Variants in NCAPD3 observed in about 807,000 individuals in gnomAD.
NCAPD3 encodes the protein non-SMC condensin II complex subunit D3, also known as condensin-2 complex subunit D3.
In NCAPD3, 105 loss-of-function variants were observed where a neutral mutation model predicts 182.9. That is an observed-to-expected ratio of 0.57 (90% CI 0.49 to 0.68). The LOEUF is 0.68. Among genes scored for constraint, NCAPD3 ranks in the 30% least tolerant of loss-of-function variants. The pLI, the probability that NCAPD3 is intolerant of heterozygous loss-of-function variation, is 0.00. For synonymous variants in NCAPD3, 815 were observed against 679.9 expected (o/e 1.20, Z -3.09); for missense variants, 1,944 against 1,837.0 (o/e 1.06, Z -1.07).
intron 15 of NCAPD3, among the ~76,000 whole-genome samples, chr11:134,193,704 G>A: frequency 6.6e-6 from 1 of 152,230 alleles, no homozygotes. Flanking sequence ...AGTGAGCTGA[G>A]ATTGTGCCAC....
chr11:134,169,445 G>C (rs928656705), intron 24 of NCAPD3, among the ~76,000 whole-genome samples: 3 of 152,184 alleles, frequency 2.0e-5, no homozygotes, highest in Non-Finnish European at 4.4e-5. Flanking sequence ...GGGATATCTG[G>C]CCTTCACCTC....
intron 32 of NCAPD3, 117 bp downstream of exon 32, chr11:134,156,901 G>T: frequency 4.5e-6 from 4 of 880,678 alleles, no homozygotes; most frequent in Non-Finnish European, 5.4e-6. Context: ...ATGCACTCAT[G>T]GTTCTGACCA....
intron 1 of NCAPD3, chr11:134,223,035 A>G: frequency 9.2e-6 from 2 of 217,090 alleles, no homozygotes; most frequent in Non-Finnish European, 1.9e-5. Context: ...GAACAATCCA[A>G]GTGTGTCCGA....
chr11:134,206,806 G>T, intron 7 of NCAPD3, 74 bp from the exon 8 acceptor site: 1 of 1,458,274 alleles, frequency 6.9e-7, no homozygotes, highest in Non-Finnish European at 9.2e-7. Flanking sequence ...GATGCAGACT[G>T]TAGTAAACCA....
intron 13 of NCAPD3, among the ~76,000 whole-genome samples, chr11:134,200,661 T>C (rs965271587): frequency 6.6e-6 from 1 of 152,158 alleles, no homozygotes; most frequent in Non-Finnish European, 1.5e-5. Flanking sequence ...TTTGAAAAAG[T>C]GTGGTGGTTC....
intron 28 of NCAPD3, among the ~76,000 whole-genome samples, chr11:134,160,969 G>T (rs1164355951): frequency 1.3e-5 from 2 of 151,652 alleles, no homozygotes; most frequent in Non-Finnish European, 2.9e-5. Flanking sequence ...CCTTTCTAGG[G>T]TCTAAAGTCA....
intron 20 of NCAPD3, among the ~76,000 whole-genome samples, chr11:134,179,924 T>C (rs563944637): frequency 6.6e-6 from 1 of 152,146 alleles, no homozygotes; most frequent in East Asian, 1.9e-4. Flanking sequence ...ATTTAAGTTC[T>C]ATTTAAAGAA....
chr11:134,185,440 C>T lies in NCAPD3; in HGVS notation c.2132G>A (p.Gly711Asp), dbSNP rs1347423895. 1.2e-6 allele frequency: 2 copies of T among 1,613,794 alleles called. No individual in the cohort carries two copies. The highest frequency in any genetic ancestry group is 1.1e-5 in the South Asian group (1 of 91,048). Reference protein sequence around the residue: ...TFINNVISHTGTEHSAPAWML... With the variant: ...TFINNVISHTDTEHSAPAWML... ...CCAGGCAGGTGCCGAATGTTCCGTG[C>T]CAGTGTGAGATATTACATTGTTTAT... Residue 711 changes from glycine to aspartate, a missense_variant, in exon 17 of 35, where the codon GGC becomes GAC. Gly to Asp is a moderately conservative substitution (Grantham distance 94). Around this residue, in one of 3 missense-constraint regions of NCAPD3, gnomAD observed 1,803 missense variants for 1,674.6 expected, o/e 1.08. Coordinates refer to ENST00000534548, the MANE Select transcript of NCAPD3 (RefSeq NM_015261.3).
intron 1 of NCAPD3, 45 bp from the exon 2 acceptor site, chr11:134,220,771 A>T: frequency 6.4e-7 from 1 of 1,558,928 alleles, no homozygotes; most frequent in Admixed American, 1.8e-5. Flanking sequence ...TGTAACAAGT[A>T]AAAAAACTAG....
rs377196164 is a variant in NCAPD3 at position 134,158,030 on chromosome 11, C to T, written c.4072G>A (p.Val1358Ile). The T allele has an allele frequency of 6.2e-7, 1 of 1,614,198 alleles. No homozygotes were observed. Among genetic ancestry groups the T allele is most frequent in the African/African-American group, 1.3e-5 (1 of 75,056 alleles). ...CTCTTTGACTCCACGGCTTTCTTGACAGAATTCAGGATTGCAATGGTGCTC... is the reference window on the plus strand; with the variant it reads ...CTCTTTGACTCCACGGCTTTCTTGATAGAATTCAGGATTGCAATGGTGCTC... The part of the protein sequence containing the change: ...SLSTIAILNS[V>I]KKAVESKSRH... Residue 1358 changes from valine to isoleucine, a missense_variant, in exon 31 of 35, where the codon GTC becomes ATC. Val to Ile is a conservative substitution (Grantham distance 29). Around this residue, in one of 3 missense-constraint regions of NCAPD3, gnomAD observed 1,803 missense variants for 1,674.6 expected, o/e 1.08. Coordinates refer to ENST00000534548, the MANE Select transcript of NCAPD3 (RefSeq NM_015261.3).
chr11:134,165,577 G>A (rs1199664936), intron 27 of NCAPD3, among the ~76,000 whole-genome samples: 4 of 150,044 alleles, frequency 2.7e-5, no homozygotes, highest in Admixed American at 6.6e-5. Context: ...TGAGCTTGGG[G>A]GAGGGGCACA....
intron 1 of NCAPD3, among the ~76,000 whole-genome samples, chr11:134,221,275 T>A (rs1010268894): frequency 6.6e-6 from 1 of 152,180 alleles, no homozygotes; most frequent in African/African-American, 2.4e-5. Flanking sequence ...TGAAAGAATG[T>A]ACATTGAGAG....
chr11:134,172,043 A>G (rs1944018477), intron 24 of NCAPD3, among the ~76,000 whole-genome samples: 1 of 152,164 alleles, frequency 6.6e-6, no homozygotes, highest in Non-Finnish European at 1.5e-5. Flanking sequence ...TGTGGACCAG[A>G]TAGTGTGTTG....
In NCAPD3 at chr11:134,192,856, C is replaced by G; in HGVS notation, c.1878G>C (p.Pro626=). The change falls in exon 16 of 35, where the codon CCG becomes CCC. Residue 626 remains proline, a synonymous_variant. Coordinates refer to ENST00000534548, the MANE Select transcript of NCAPD3 (RefSeq NM_015261.3). The stretch of plus-strand genomic sequence containing the variant: ...CAGTGCTCTCGCAGTCCATCACCAC[C>G]GGGACCACCCCCCGCAACCAGGCTT... ...IQKAWLRGVV[P]VVMDCESTVQ... is the part of the protein sequence containing the mutation. 6.2e-7 allele frequency: 1 copy of G among 1,614,042 alleles called. No homozygotes were observed. Among genetic ancestry groups the G allele is most frequent in the Non-Finnish European group, 8.5e-7 (1 of 1,179,926 alleles).
chr11:134,153,522 G>A (rs956082843), intron 32 of NCAPD3, 159 bp from the exon 33 acceptor site: 3 of 725,730 alleles, frequency 4.1e-6, no homozygotes, highest in East Asian at 5.2e-5. Flanking sequence ...GCAGTGTTGA[G>A]GGCCCCTCCT....
At chr11:134,160,710 A>G (rs1343924538) in intron 28 of NCAPD3, among the ~76,000 whole-genome samples, 1 of 152,182 alleles carries the variant, frequency 6.6e-6, no homozygotes, top group Non-Finnish European at 1.5e-5. Flanking sequence ...CCTAACAGTA[A>G]TAGGGAGAAA....
chr11:134,211,435 T>A (rs1937828058), intron 3 of NCAPD3, among the ~76,000 whole-genome samples: 1 of 151,892 alleles, frequency 6.6e-6, no homozygotes, highest in Non-Finnish European at 1.5e-5. Context: ...ATCACTTGAG[T>A]CCAGGAGTTT....
At chr11:134,165,292 ACTT>A (rs1943740657) in intron 27 of NCAPD3, among the ~76,000 whole-genome samples, 1 of 140,208 alleles carries the variant, frequency 7.1e-6, no homozygotes, top group Non-Finnish European at 1.5e-5. Flanking sequence ...TGTGAGATGA[ACTT>A]AGGGAAGCTG....
At chr11:134,164,024 T>G (rs961414587) in intron 27 of NCAPD3, among the ~76,000 whole-genome samples, 6 of 151,562 alleles carry the variant, frequency 4.0e-5, no homozygotes, top group Non-Finnish European at 7.4e-5. Flanking sequence ...ACTAGAGAGA[T>G]AGATTGGTAA....
Sources: gnomAD v4.1 joint callset for allele counts (sites outside exome capture counted in the v4.1 genomes callset) on GRCh38, gnomAD v4.1.1 for gene constraint, gnomAD v4.1.1 regional missense constraint, MANE v1.5 for transcripts, NCBI Gene and HGNC (gene_info 2026-07-23, HGNC 2026-07-21) for gene names.